USP6NL: variants seen among roughly 807,000 people sequenced by gnomAD.
USP6NL encodes the protein USP6 N-terminal-like protein.
A neutral mutation model predicts 61.9 loss-of-function variants in USP6NL; 26 were observed. That is an observed-to-expected ratio of 0.42 (90% CI 0.31 to 0.58). USP6NL has a LOEUF of 0.58. Ranked by LOEUF, USP6NL falls within the 20% of genes least tolerant of loss-of-function variation. The pLI is 0.16. For missense variants in USP6NL, 1,114 were observed against 1,034.3 expected (o/e 1.08, Z -1.06); for synonymous variants, 432 against 390.1 (o/e 1.11, Z -1.27).
At chr10:11,493,620 T>C (rs1039442958) in intron 7 of USP6NL, among the ~76,000 whole-genome samples, 1 of 152,246 alleles carries the variant, frequency 6.6e-6, no homozygotes, top group South Asian at 2.1e-4. Context: ...AAGCTAATCA[T>C]TGCCTTGTTT....
rs1833389195 is a variant in USP6NL at position 11,484,839 on chromosome 10, T to C, written c.925+132A>G. 45 of 626,700 alleles carry C rather than the reference T, an allele frequency of 7.2e-5. No individual in the cohort carries two copies. In the South Asian group the frequency reaches 1.1e-3, roughly 16 times the overall value. The allele number at this position is 626,700 out of a possible 1,614,324, so 38.8% of individuals were successfully genotyped here. ...TACATTACCAATTGATGATAATTTC[T>C]CCACTGATTTTCAAAAAAAATTTAA... On this transcript the variant is annotated intron_variant, in intron 13 of 14. Transcript: ENST00000609104.
chr10:11,562,443 G>A lies in USP6NL; in HGVS notation c.5-34876C>T, dbSNP rs147656338. On this transcript the variant is annotated intron_variant, in intron 2 of 14. Coordinates refer to ENST00000609104, the MANE Select transcript of USP6NL (RefSeq NM_014688.5). This position sits in a 1 kb window ranked among gnomAD's most constrained non-coding sequence, Gnocchi z 4.8. Reference sequence around the variant, plus strand: ...GGCTCTTGGACCTAAGGATGAAGACGCAGCAGTCATCACGTATCTCTGAGG... The same window carrying A: ...GGCTCTTGGACCTAAGGATGAAGACACAGCAGTCATCACGTATCTCTGAGG... The A allele has an allele frequency of 1.5e-4, 149 of 985,302 alleles. No individual in the cohort carries two copies. The East Asian group carries it at 5.6e-3, about 37-fold the overall frequency. 61.0% of individuals were successfully genotyped at this position (985,302 alleles called of 1,614,324 possible). A position where few individuals can be genotyped will look rare whatever the true frequency, so the allele number is the denominator to read the frequency against.
At chr10:11,521,315 TTTATTATATATAAAATATATATTATATA>T (rs961516692) in intron 4 of USP6NL, among the ~76,000 whole-genome samples, 23 of 147,412 alleles carry the variant, frequency 1.6e-4, no homozygotes, top group African/African-American at 4.9e-4. Flanking sequence ...ATATAATATT[TTTATTATATATAAAATATATATTATATA>T]TTATTATATT....
At position 11,463,610 on chromosome 10, in the gene USP6NL, T is replaced by TCTC; in HGVS notation, c.1315_1317dup (p.Glu439dup). On this transcript the variant is annotated inframe_insertion, in exon 15 of 15. Coordinates refer to ENST00000609104, the MANE Select transcript of USP6NL (RefSeq NM_014688.5). This position sits in a 1 kb window ranked among gnomAD's most constrained non-coding sequence, Gnocchi z 6.3. ...TCTGCCTCATCTTTAAGCTTTTTGC[T>TCTC]CTCCTCCTCCACCGATTTCCGTCTT... 6.2e-7 allele frequency: 1 copy of TCTC among 1,613,972 alleles called. No homozygotes were observed. Among genetic ancestry groups the TCTC allele is most frequent in the Middle Eastern group, 1.6e-4 (1 of 6,062 alleles).
intron 5 of USP6NL, among the ~76,000 whole-genome samples, chr10:11,515,233 GC>G (rs1358587962): frequency 2.6e-5 from 4 of 152,098 alleles, no homozygotes; most frequent in Non-Finnish European, 5.9e-5. Context: ...CTGGTCCAAG[GC>G]CCTTCCCACT....
chr10:11,539,943 C>T (rs1835981972), intron 2 of USP6NL, among the ~76,000 whole-genome samples: 1 of 152,192 alleles, frequency 6.6e-6, no homozygotes, highest in Non-Finnish European at 1.5e-5. Context: ...TAATTCAGGC[C>T]ATATGGGAAG....
At chr10:11,576,709 C>G (rs1837558302) in intron 2 of USP6NL, among the ~76,000 whole-genome samples, 1 of 152,182 alleles carries the variant, frequency 6.6e-6, no homozygotes, top group Non-Finnish European at 1.5e-5. Flanking sequence ...ACAGCCCAAA[C>G]AGAATAACAC....
At chr10:11,479,061 A>G (rs894138360) in intron 14 of USP6NL, among the ~76,000 whole-genome samples, 5 of 152,188 alleles carry the variant, frequency 3.3e-5, no homozygotes, top group Non-Finnish European at 5.9e-5. Flanking sequence ...ATTCTAGATG[A>G]GCTGAAGATT....
chr10:11,566,581 C>T (rs539803898), intron 2 of USP6NL, among the ~76,000 whole-genome samples: 2 of 152,316 alleles, frequency 1.3e-5, no homozygotes, highest in South Asian at 4.1e-4. Flanking sequence ...GTAGTGGATT[C>T]GAGAGCTGAA....
chr10:11,558,487 C>T (rs1038324301), intron 2 of USP6NL, among the ~76,000 whole-genome samples: 2 of 152,198 alleles, frequency 1.3e-5, no homozygotes, highest in African/African-American at 4.8e-5. Context: ...TGGACATCTA[C>T]ACCTGAATAC....
At chr10:11,533,428 G>C (rs1361120365) in intron 2 of USP6NL, among the ~76,000 whole-genome samples, 1 of 152,228 alleles carries the variant, frequency 6.6e-6, no homozygotes, top group Non-Finnish European at 1.5e-5. Context: ...AATTGCAAAA[G>C]TGATTACAGA....
In USP6NL at chr10:11,546,712, A is replaced by G. The variant is rs191772479; in HGVS notation, c.5-19145T>C. On this transcript the variant is annotated intron_variant, in intron 2 of 14. Transcript: ENST00000609104. ...GATTTTTCTTATAGGACTTGCCTTC[A>G]GTTGGCTTTCTGTTCTTCTACAAAT... Among the ~76,000 whole-genome samples the G allele has an allele frequency of 6.4e-4, 97 of 152,298 alleles. No homozygotes were observed. In the Middle Eastern group the frequency reaches 0.01, roughly 16 times the overall value.
In USP6NL at chr10:11,518,632, GCTTATATA is replaced by G; in HGVS notation, c.156-66_156-59del. 7.6e-7 allele frequency: 1 copy of G among 1,318,266 alleles called. No homozygotes were observed. Among genetic ancestry groups the G allele is most frequent in the Non-Finnish European group, 1.1e-6 (1 of 922,572 alleles). 81.7% of individuals were successfully genotyped at this position (1,318,266 alleles called of 1,614,324 possible). A position where few individuals can be genotyped will look rare whatever the true frequency, so the allele number is the denominator to read the frequency against. ...TTGAAATCAAAACAAACTTTTAAAA[GCTTATATA>G]CTTATAGATACATATGACATACAAT... is the stretch of plus-strand genomic sequence containing the variant. On this transcript the variant is annotated intron_variant, in intron 4 of 14. Transcript: ENST00000609104. This position sits in a 1 kb window ranked among gnomAD's most constrained non-coding sequence, Gnocchi z 5.3.
Position 11,525,553 on chromosome 10 carries a change from C to G in USP6NL, c.73-85G>C. ...AAATAAAAGGACGAAGAAATAAGAG[C>G]TATTTTTAATGTATTACTAAAAATA... On this transcript the variant is annotated intron_variant, in intron 3 of 14. Coordinates refer to ENST00000609104, the MANE Select transcript of USP6NL (RefSeq NM_014688.5). This position sits in a 1 kb window ranked among gnomAD's most constrained non-coding sequence, Gnocchi z 5.0. 3 of 1,194,024 alleles carry G rather than the reference C, an allele frequency of 2.5e-6. No individual in the cohort carries two copies. The highest frequency in any genetic ancestry group is 3.4e-6 in the Non-Finnish European group (3 of 870,666). The allele number at this position is 1,194,024 out of a possible 1,614,324, so 74.0% of individuals were successfully genotyped here. A position where few individuals can be genotyped will look rare whatever the true frequency, so the allele number is the denominator to read the frequency against.
At chr10:11,555,107 TGG>T (rs1566177654) in intron 2 of USP6NL, among the ~76,000 whole-genome samples, 18 of 118,528 alleles carry the variant, frequency 1.5e-4, no homozygotes, top group East Asian at 9.8e-4. Flanking sequence ...TTTTTTTTTT[TGG>T]TTTTTTTTTT....
chr10:11,464,286 A>G (rs1244806122), intron 14 of USP6NL, among the ~76,000 whole-genome samples: 1 of 152,206 alleles, frequency 6.6e-6, no homozygotes, highest in Non-Finnish European at 1.5e-5. Context: ...TATCTTAGAA[A>G]AATAACTTTA....
intron 13 of USP6NL, among the ~76,000 whole-genome samples, chr10:11,483,166 G>A (rs1833276388): frequency 6.6e-6 from 1 of 152,118 alleles, no homozygotes; most frequent in African/African-American, 2.4e-5. Context: ...TTTATATGGT[G>A]GAGACGGAAC....
In USP6NL at chr10:11,564,283, T is replaced by C. The variant is rs141554954; in HGVS notation, c.4+33348A>G. On this transcript the variant is annotated intron_variant, in intron 2 of 14. Transcript: ENST00000609104. ...TTTAAATTATATCAAGATAGTGCTA[T>C]AAACATTTAATTTCAAGTAGCATTC... 4.6e-5 allele frequency: 7 copies of C among 152,344 alleles called. No individual in the cohort carries two copies. The East Asian group carries it at 5.8e-4, about 13-fold the overall frequency. 9.4% of individuals were successfully genotyped at this position (152,344 alleles called of 1,614,324 possible).
At chr10:11,521,070 C>G (rs1835185294) in intron 4 of USP6NL, among the ~76,000 whole-genome samples, 2 of 152,116 alleles carry the variant, frequency 1.3e-5, no homozygotes, top group South Asian at 2.1e-4. Context: ...TATTACTAAT[C>G]GGAGTTTATG....
Sources: gnomAD v4.1 joint callset for allele counts (sites outside exome capture counted in the v4.1 genomes callset) on GRCh38, gnomAD v4.1.1 for gene constraint, Gnocchi (gnomAD v3.1) non-coding constraint, MANE v1.5 for transcripts, NCBI Gene and HGNC (gene_info 2026-07-23, HGNC 2026-07-21) for gene names.